CNTN1: variants seen among roughly 807,000 people sequenced by gnomAD.
CNTN1 encodes contactin-1.
Under a neutral mutation model 126.4 loss-of-function variants are expected in CNTN1, and 38 were observed. That is an observed-to-expected ratio of 0.30 (90% CI 0.23 to 0.39). CNTN1 has a LOEUF of 0.39. CNTN1 is among the 10% of genes least tolerant of loss of function. The pLI, the probability that CNTN1 is intolerant of heterozygous loss-of-function variation, is 1.00. For synonymous variants in CNTN1, 413 were observed against 422.6 expected, an observed-to-expected ratio of 0.98 and a Z score of 0.28; for missense variants, 1,009 against 1,248.4, an observed-to-expected ratio of 0.81 and a Z score of 2.89.
chr12:40,913,051 G>A (rs898078591), intron 3 of CNTN1, among the ~76,000 whole-genome samples: 3 of 152,228 alleles, frequency 2.0e-5, no homozygotes, highest in African/African-American at 4.8e-5. Context: ...TTCCTCTAGA[G>A]AGATGTGACA....
intron 23 of CNTN1, among the ~76,000 whole-genome samples, chr12:41,046,243 T>G (rs1156747486): frequency 6.6e-6 from 1 of 152,092 alleles, no homozygotes; most frequent in East Asian, 1.9e-4. Flanking sequence ...CAGATTTCAG[T>G]GTGAATTTGA....
chr12:40,887,771 C>T (rs1944094326), intron 1 of CNTN1, among the ~76,000 whole-genome samples: 1 of 152,018 alleles, frequency 6.6e-6, no homozygotes. Context: ...ACCCAAATGT[C>T]CAACAACGAT....
In CNTN1 at chr12:41,070,415, GA is replaced by G; in HGVS notation, c.*383del. The G allele has an allele frequency of 6.5e-6, 2 of 308,004 alleles. No individual in the cohort carries two copies. The highest frequency in any genetic ancestry group is 1.3e-5 in the Non-Finnish European group (2 of 159,040). The allele number at this position is 308,004 out of a possible 1,614,324, so 19.1% of individuals were successfully genotyped here. A position where few individuals can be genotyped will look rare whatever the true frequency, so the allele number is the denominator to read the frequency against. On this transcript the variant is annotated 3_prime_UTR_variant, in exon 24 of 24. Coordinates refer to ENST00000551295, the MANE Select transcript of CNTN1 (RefSeq NM_001843.4). ...TGCTTTAAATTTAATAACAAGTTGT[GA>G]AATATAATAGAGATTGAAATGTTGG...
chr12:40,804,216 A>G (rs143104393), intron 1 of CNTN1, among the ~76,000 whole-genome samples: 1 of 152,030 alleles, frequency 6.6e-6, no homozygotes, highest in Non-Finnish European at 1.5e-5. Context: ...TGAAATTTCC[A>G]TCTATTCCTT....
intron 1 of CNTN1, among the ~76,000 whole-genome samples, chr12:40,715,314 C>G (rs1942022466): frequency 6.6e-6 from 1 of 152,086 alleles, no homozygotes; most frequent in East Asian, 1.9e-4. Flanking sequence ...AGTGCCAACA[C>G]TTCTCTGTTA....
intron 14 of CNTN1, among the ~76,000 whole-genome samples, chr12:40,954,134 T>C (rs963509707): frequency 2.6e-5 from 4 of 152,062 alleles, no homozygotes; most frequent in African/African-American, 4.8e-5. Context: ...AAGTACTGAG[T>C]TCATTTAATG....
intron 9 of CNTN1, among the ~76,000 whole-genome samples, chr12:40,936,282 C>A (rs1946078295): frequency 6.6e-6 from 1 of 151,880 alleles, no homozygotes; most frequent in South Asian, 2.1e-4. Context: ...TTTAGGTGTC[C>A]AAGTCATTTT....
intron 21 of CNTN1, among the ~76,000 whole-genome samples, chr12:41,027,622 G>A (rs1239352508): frequency 2.0e-5 from 3 of 152,122 alleles, no homozygotes; most frequent in African/African-American, 7.2e-5. Flanking sequence ...AACCCAAGTG[G>A]AGCATGATGA....
chr12:40,922,186 A>G, intron 4 of CNTN1, 70 bp from the exon 5 acceptor site: 2 of 1,341,174 alleles, frequency 1.5e-6, no homozygotes, highest in Non-Finnish European at 2.1e-6. Context: ...TTATTTTAGA[A>G]CTGTGTTAGC....
At chr12:40,916,479 A>G (rs1945250125) in intron 3 of CNTN1, among the ~76,000 whole-genome samples, 1 of 152,090 alleles carries the variant, frequency 6.6e-6, no homozygotes, top group Non-Finnish European at 1.5e-5. Context: ...TAAAAAATGA[A>G]AGTCTTCAGT....
chr12:40,967,349 A>C (rs1947344962), intron 15 of CNTN1, among the ~76,000 whole-genome samples: 1 of 151,934 alleles, frequency 6.6e-6, no homozygotes, highest in Admixed American at 6.6e-5. Flanking sequence ...GTGTGGTGGC[A>C]CATGCCTGTA....
chr12:40,774,270 T>C (rs1939489466), intron 1 of CNTN1, among the ~76,000 whole-genome samples: 1 of 151,650 alleles, frequency 6.6e-6, no homozygotes, highest in Admixed American at 6.6e-5. Context: ...AGGAGCCTCA[T>C]ATTTGAAAGA....
intron 1 of CNTN1, among the ~76,000 whole-genome samples, chr12:40,853,187 C>T (rs1445676071): frequency 1.3e-5 from 2 of 151,810 alleles, no homozygotes; most frequent in Non-Finnish European, 2.9e-5. Context: ...TATGACAGGA[C>T]CTGAGCAGAG....
chr12:40,990,865 C>T (rs1948080492), intron 16 of CNTN1, among the ~76,000 whole-genome samples: 1 of 152,102 alleles, frequency 6.6e-6, no homozygotes, highest in Admixed American at 6.6e-5. Flanking sequence ...CCTTAAAACC[C>T]TTAAATTGTG....
At chr12:40,795,319 AT>A (rs369226167) in intron 1 of CNTN1, among the ~76,000 whole-genome samples, 2 of 8,584 alleles carry the variant, frequency 2.3e-4, no homozygotes, top group Admixed American at 1.6e-3. Flanking sequence ...ACACACACAC[AT>A]TTTTTTTTTT....
chr12:40,857,470 C>G (rs1592165789), intron 1 of CNTN1, among the ~76,000 whole-genome samples: 1 of 151,978 alleles, frequency 6.6e-6, no homozygotes, highest in African/African-American at 2.4e-5. Flanking sequence ...TGAAAGTTGA[C>G]AGAGAAAGCA....
At chr12:40,872,212 TTGTGTGTGTGTGTGTGTGTGTGTG>T (rs61187240) in intron 1 of CNTN1, among the ~76,000 whole-genome samples, 2 of 113,516 alleles carry the variant, frequency 1.8e-5, no homozygotes, top group Non-Finnish European at 3.7e-5. Context: ...GTTGCTTTGT[TTGTGTGTGTGTGTGTGTGTGTGTG>T]TGTGTGTGTG....
Position 40,949,400 on chromosome 12 carries a change from T to C in CNTN1, c.1683+5230T>C, listed in dbSNP as rs775705190. Among the ~76,000 whole-genome samples, 12 of 149,370 alleles carry C rather than the reference T, an allele frequency of 8.0e-5. 1 individual carries two copies. The highest frequency in any genetic ancestry group is 5.3e-4 in the Admixed American group (8 of 15,002). Reference sequence around the variant, plus strand: ...AACTCGTCATCTAGCATTAGGTATATCTCCCGATGCTATCCCTACCCCCCC... The same window carrying C: ...AACTCGTCATCTAGCATTAGGTATACCTCCCGATGCTATCCCTACCCCCCC... On this transcript the variant is annotated intron_variant, in intron 14 of 23. Coordinates refer to ENST00000551295, the MANE Select transcript of CNTN1 (RefSeq NM_001843.4).
intron 1 of CNTN1, among the ~76,000 whole-genome samples, chr12:40,889,405 C>T (rs1944162982): frequency 1.3e-5 from 2 of 152,160 alleles, no homozygotes; most frequent in Non-Finnish European, 2.9e-5. Context: ...TCAGTCTCTT[C>T]AATTTATCCC....
Sources: gnomAD v4.1 joint callset for allele counts (sites outside exome capture counted in the v4.1 genomes callset) on GRCh38, gnomAD v4.1.1 for gene constraint, MANE v1.5 for transcripts, NCBI Gene and HGNC (gene_info 2026-07-23, HGNC 2026-07-21) for gene names.